SLC25A14: variants seen among roughly 807,000 people sequenced by gnomAD.
The protein encoded by SLC25A14 is brain mitochondrial carrier protein 1.
In SLC25A14, 8 loss-of-function variants were observed where a neutral mutation model predicts 28.1. That is an observed-to-expected ratio of 0.28 (90% CI 0.17 to 0.51). SLC25A14 has a LOEUF of 0.51. Ranked by LOEUF, SLC25A14 falls within the 20% of genes least tolerant of loss-of-function variation. SLC25A14 has a pLI of 0.97. For missense variants in SLC25A14, 135 were observed against 263.8 expected (o/e 0.51, Z 3.38); for synonymous variants, 74 against 90.6 (o/e 0.82, Z 1.04).
intron 9 of SLC25A14, among the ~76,000 whole-genome samples, chrX:130,368,396 C>T (rs1470671953): frequency 9.0e-6 from 1 of 111,541 alleles, no homozygotes; most frequent in South Asian, 3.8e-4. Context: ...AGAGGCCCCC[C>T]CACACACACA....
chrX:130,365,074 A>G, intron 8 of SLC25A14: 2 of 796,099 alleles, frequency 2.5e-6, no homozygotes, highest in African/African-American at 4.4e-5. Context: ...TTGAGAAAGC[A>G]AACTTTTCTC....
chrX:130,348,787 C>A (rs865992793), intron 4 of SLC25A14, among the ~76,000 whole-genome samples: 6 of 78,561 alleles, frequency 7.6e-5, no homozygotes, highest in African/African-American at 3.2e-4. Context: ...TCTACCCCCC[C>A]CCCCCCTTTT....
rs150820086 is a variant in SLC25A14 at position 130,341,520 on chromosome X, A to G, written c.75+1167A>G. 3.9e-3 allele frequency among the ~76,000 whole-genome samples: 433 copies of G among 111,788 alleles called. 2 individuals carry two copies. The highest frequency in any genetic ancestry group is 0.014 in the Middle Eastern group (3 of 216). ...TTACCTTCTGAATCTGAGAATCTCT[A>G]ATTTCTACTCTTTCTTAAAGGAGAA... On this transcript the variant is annotated intron_variant, in intron 2 of 10. Coordinates refer to ENST00000545805, the MANE Select transcript of SLC25A14 (RefSeq NM_001282195.2).
At chrX:130,367,506 A>C (rs2034148336) in intron 9 of SLC25A14, among the ~76,000 whole-genome samples, 1 of 111,678 alleles carries the variant, frequency 9.0e-6, no homozygotes, top group Non-Finnish European at 1.9e-5. Context: ...CCCTGACTCA[A>C]GAGAGGGTTC....
intron 7 of SLC25A14, among the ~76,000 whole-genome samples, chrX:130,364,041 C>A (rs960301075): frequency 8.9e-6 from 1 of 112,066 alleles, no homozygotes. Context: ...CCTTCTTTTA[C>A]TTAAAAGAAA....
At chrX:130,369,277 A>G (rs1320987170) in intron 9 of SLC25A14, among the ~76,000 whole-genome samples, 2 of 110,620 alleles carry the variant, frequency 1.8e-5, no homozygotes, top group Non-Finnish European at 3.8e-5. Flanking sequence ...GAGCAAGACC[A>G]TGTTTCTTAA....
Position 130,349,192 on chromosome X carries a change from A to G in SLC25A14, c.318-59A>G, listed in dbSNP as rs781665015. 1.5e-5 allele frequency: 11 copies of G among 747,106 alleles called. No individual in the cohort carries two copies. The South Asian group carries it at 3.1e-4, about 21-fold the overall frequency. 61.6% of individuals were successfully genotyped at this position (747,106 alleles called of 1,213,427 possible). A position where few individuals can be genotyped will look rare whatever the true frequency, so the allele number is the denominator to read the frequency against. Reference sequence around the variant, plus strand: ...GATGGGTAGTCCAAATAAGTAGGCTATCTAGATATGTATAATCTGAAAATG... The same window carrying G: ...GATGGGTAGTCCAAATAAGTAGGCTGTCTAGATATGTATAATCTGAAAATG... On this transcript the variant is annotated intron_variant, in intron 4 of 10. Coordinates refer to ENST00000545805, the MANE Select transcript of SLC25A14 (RefSeq NM_001282195.2).
chrX:130,359,240 C>G (rs968864103), intron 7 of SLC25A14: 39 of 271,358 alleles, frequency 1.4e-4, no homozygotes, highest in Non-Finnish European at 2.2e-4. Context: ...GTAGTCACAG[C>G]TACTCAGGAG....
intron 9 of SLC25A14, among the ~76,000 whole-genome samples, chrX:130,371,058 A>G (rs2034251314): frequency 8.9e-6 from 1 of 111,924 alleles, no homozygotes; most frequent in South Asian, 3.7e-4. Flanking sequence ...TGGAGCCCTC[A>G]GTTCCTCACC....
chrX:130,359,447 T>C (rs2124763117), intron 7 of SLC25A14, among the ~76,000 whole-genome samples: 1 of 109,383 alleles, frequency 9.1e-6, no homozygotes, highest in African/African-American at 3.3e-5. Flanking sequence ...TGTAAAATAT[T>C]GAGAAAATAT....
intron 2 of SLC25A14, among the ~76,000 whole-genome samples, chrX:130,344,709 G>A (rs1370942483): frequency 8.9e-6 from 1 of 111,856 alleles, no homozygotes; most frequent in Non-Finnish European, 1.9e-5. Context: ...TAGAGAGATA[G>A]GAGGGCTAAG....
Position 130,340,354 on chromosome X carries a change from G to A in SLC25A14, c.75+1G>A. The A allele has an allele frequency of 1.7e-6, 2 of 1,211,170 alleles. No individual in the cohort carries two copies. The highest frequency in any genetic ancestry group is 2.2e-6 in the Non-Finnish European group (2 of 894,889). On this transcript the variant is annotated splice_donor_variant, in intron 2 of 10. Transcript: ENST00000545805. LOFTEE classifies it high-confidence loss of function. ...AACGGCGGCCGTGATTGTAAGCGGA[G>A]TAAGCAAACACCTCCATTGTATTAG...
At chrX:130,358,619 G>A (rs1401229636) in intron 6 of SLC25A14, 21 bp from the exon 7 acceptor site, 5 of 1,080,967 alleles carry the variant, frequency 4.6e-6, no homozygotes, top group Non-Finnish European at 6.4e-6. Context: ...AAAATAAGAT[G>A]TTCACCTCTT....
chrX:130,341,944 A>G (rs1178777039), intron 2 of SLC25A14, among the ~76,000 whole-genome samples: 1 of 112,059 alleles, frequency 8.9e-6, no homozygotes, highest in Non-Finnish European at 1.9e-5. Context: ...GGCCAGGTCC[A>G]GCAAGTTACC....
chrX:130,344,867 T>C (rs1047489128), intron 2 of SLC25A14, among the ~76,000 whole-genome samples: 1 of 111,433 alleles, frequency 9.0e-6, no homozygotes, highest in Non-Finnish European at 1.9e-5. Flanking sequence ...ATGTCAAAGT[T>C]GGGTGTGCTG....
chrX:130,348,998 T>A (rs1603257671), intron 4 of SLC25A14, among the ~76,000 whole-genome samples: 1 of 110,638 alleles, frequency 9.0e-6, no homozygotes, highest in East Asian at 2.8e-4. Flanking sequence ...AGGATTTTTC[T>A]TATTGATTTC....
intron 2 of SLC25A14, among the ~76,000 whole-genome samples, chrX:130,343,725 T>C (rs1409730404): frequency 8.9e-6 from 1 of 112,299 alleles, no homozygotes; most frequent in Non-Finnish European, 1.9e-5. Flanking sequence ...TCTGTTAAGA[T>C]GTAAATTTGG....
intron 6 of SLC25A14, among the ~76,000 whole-genome samples, chrX:130,356,446 T>G (rs1163584144): frequency 9.1e-6 from 1 of 109,732 alleles, no homozygotes; most frequent in Non-Finnish European, 1.9e-5. Context: ...CCAGGCTGGT[T>G]TCAAACTACT....
intron 2 of SLC25A14, among the ~76,000 whole-genome samples, chrX:130,341,769 A>T (rs891874673): frequency 1.8e-5 from 2 of 112,511 alleles, no homozygotes; most frequent in Admixed American, 9.4e-5. Flanking sequence ...AGATATGACT[A>T]CTTTTACGCA....
Sources: allele counts gnomAD v4.1 joint callset (sites outside exome capture counted in the v4.1 genomes callset), GRCh38; gene constraint gnomAD v4.1.1; transcripts MANE v1.5; gene names NCBI Gene and HGNC (gene_info 2026-07-23, HGNC 2026-07-21).